The following MAP3K20 variants were observed in gnomAD, a reference collection of about 807,000 sequenced individuals.
MAP3K20 encodes mitogen-activated protein kinase kinase kinase 20.
A neutral mutation model predicts 85.7 loss-of-function variants in MAP3K20; 40 were observed. The ratio of observed to expected loss-of-function variants is 0.47; its 90% CI spans 0.36 to 0.61. The LOEUF is 0.61. Ranked by LOEUF, MAP3K20 falls within the 20% of genes least tolerant of loss-of-function variation. The probability of loss-of-function intolerance (pLI) is 0.00; values close to 1 mark genes in which losing one functional copy is unlikely to be tolerated. For missense variants in MAP3K20, 817 were observed against 961.7 expected, an observed-to-expected ratio of 0.85 and a Z score of 1.99; for synonymous variants, 325 against 327.7, an observed-to-expected ratio of 0.99 and a Z score of 0.09.
chr2:173,165,386 C>T (rs1173171654), intron 2 of MAP3K20, among the ~76,000 whole-genome samples: 1 of 152,142 alleles, frequency 6.6e-6, no homozygotes, highest in African/African-American at 2.4e-5. Flanking sequence ...CACTGTACTC[C>T]AGCCTGGGCG....
chr2:173,091,258 T>TA (rs760661307), intron 2 of MAP3K20, 68 bp downstream of exon 2: 8 of 1,537,388 alleles, frequency 5.2e-6, no homozygotes, highest in Non-Finnish European at 7.1e-6. Flanking sequence ...AACCTCGAGT[T>TA]AGAGGGTCAC....
At chr2:173,155,270 T>G (rs1015427116) in intron 2 of MAP3K20, among the ~76,000 whole-genome samples, 2 of 152,168 alleles carry the variant, frequency 1.3e-5, no homozygotes, top group Admixed American at 6.5e-5. Context: ...CATAGTAATC[T>G]ATTGAGGATG....
At chr2:173,204,920 A>G (rs1013186306) in intron 9 of MAP3K20, among the ~76,000 whole-genome samples, 3 of 152,026 alleles carry the variant, frequency 2.0e-5, no homozygotes, top group Non-Finnish European at 4.4e-5. Flanking sequence ...TGGCTAACAC[A>G]GTGAAACCCC....
intron 9 of MAP3K20, among the ~76,000 whole-genome samples, chr2:173,204,767 T>A (rs1683610667): frequency 2.0e-5 from 3 of 152,196 alleles, no homozygotes; most frequent in Admixed American, 1.3e-4. Context: ...TATATTGTTA[T>A]CTCTACTTTT....
At chr2:173,187,940 A>T (rs1690537812) in intron 5 of MAP3K20, among the ~76,000 whole-genome samples, 4 of 152,188 alleles carry the variant, frequency 2.6e-5, no homozygotes, top group Admixed American at 2.6e-4. Flanking sequence ...CCCTAGAATC[A>T]TTTTCTAAAA....
chr2:173,134,428 A>ATATATTTTTTTTT (rs56330241), intron 2 of MAP3K20, among the ~76,000 whole-genome samples: 1 of 3,156 alleles, frequency 3.2e-4, no homozygotes, highest in Non-Finnish European at 6.4e-4. Context: ...ATATATATAT[A>ATATATTTTTTTTT]TTTTTTTTTT....
intron 12 of MAP3K20, among the ~76,000 whole-genome samples, chr2:173,231,373 T>A (rs1206240767): frequency 2.0e-5 from 3 of 152,240 alleles, no homozygotes; most frequent in Admixed American, 2.0e-4. Context: ...TGAGTCTCAC[T>A]TTCCTGCCAG....
At chr2:173,083,746 C>T (rs1687071893) in intron 1 of MAP3K20, among the ~76,000 whole-genome samples, 1 of 152,168 alleles carries the variant, frequency 6.6e-6, no homozygotes, top group Non-Finnish European at 1.5e-5. Flanking sequence ...AATTTATTCA[C>T]TGATCTATGT....
intron 3 of MAP3K20, among the ~76,000 whole-genome samples, chr2:173,180,880 A>C (rs1690305021): frequency 6.6e-6 from 1 of 152,202 alleles, no homozygotes; most frequent in South Asian, 2.1e-4. Context: ...TAATAGAAAA[A>C]TTGAGAAATT....
At chr2:173,256,366 G>T (rs914047018) in intron 16 of MAP3K20, among the ~76,000 whole-genome samples, 2 of 152,126 alleles carry the variant, frequency 1.3e-5, no homozygotes, top group Admixed American at 6.5e-5. Context: ...AGTGGCTCAT[G>T]CCTCTATCCC....
intron 2 of MAP3K20, among the ~76,000 whole-genome samples, chr2:173,128,147 T>C (rs1213897343): frequency 1.3e-5 from 2 of 152,158 alleles, no homozygotes; most frequent in Non-Finnish European, 1.5e-5. Context: ...AATAATTTAT[T>C]TTCCTCTGAC....
chr2:173,237,730 C>T (rs1384257997), intron 14 of MAP3K20, among the ~76,000 whole-genome samples: 7 of 152,180 alleles, frequency 4.6e-5, no homozygotes, highest in Non-Finnish European at 8.8e-5. Context: ...TCCTGAAAGT[C>T]TGGTGTTATG....
chr2:173,148,077 G>C (rs1232968327), intron 2 of MAP3K20, among the ~76,000 whole-genome samples: 1 of 152,036 alleles, frequency 6.6e-6, no homozygotes, highest in Non-Finnish European at 1.5e-5. Flanking sequence ...TAAATTTTCT[G>C]GATTTTTGTT....
At chr2:173,121,524 C>T (rs1016340849) in intron 2 of MAP3K20, among the ~76,000 whole-genome samples, 1 of 152,034 alleles carries the variant, frequency 6.6e-6, no homozygotes, top group Non-Finnish European at 1.5e-5. Flanking sequence ...GTAGCTGGGA[C>T]TACAGGCGCC....
rs1574124733 is a variant in MAP3K20 at position 173,217,194 on chromosome 2, C to G, written c.931C>G (p.Arg311Gly). The change falls in exon 11 of 20, where the codon CGA (arginine) becomes GGA (glycine). Residue 311 changes from arginine to glycine, a missense_variant. Arg to Gly is a moderately radical substitution (Grantham distance 125). This residue lies in a region of MAP3K20 where 158 missense variants were observed against 162.0 expected (regional missense o/e 0.98). Transcript: ENST00000375213. ...CTTTAAGGAGCAGGAGCTTAAAGAA[C>G]GAGAAAGACGTTTAAAGATGTGGGA... Reference protein sequence around the residue: ...LSFKEQELKERERRLKMWEQK... With the variant: ...LSFKEQELKEGERRLKMWEQK... 1 of 1,606,410 alleles carries G rather than the reference C, an allele frequency of 6.2e-7. No individual in the cohort carries two copies. The highest frequency in any genetic ancestry group is 8.5e-7 in the Non-Finnish European group (1 of 1,176,032).
intron 11 of MAP3K20, chr2:173,221,457 A>C (rs745544537): frequency 1.2e-6 from 2 of 1,613,492 alleles, no homozygotes; most frequent in East Asian, 4.5e-5. Context: ...AGTGATTTTG[A>C]CTTGTCAGAA....
At chr2:173,199,660 TTG>T (rs1025561999) in intron 8 of MAP3K20, among the ~76,000 whole-genome samples, 7 of 126,004 alleles carry the variant, frequency 5.6e-5, no homozygotes, top group Non-Finnish European at 1.3e-4. Flanking sequence ...AGGAGAAAGG[TTG>T]TTTTTTTTTT....
At chr2:173,218,381 G>A (rs1162129602) in intron 11 of MAP3K20, among the ~76,000 whole-genome samples, 1 of 152,220 alleles carries the variant, frequency 6.6e-6, no homozygotes, top group Non-Finnish European at 1.5e-5. Flanking sequence ...TGGTTCTCCA[G>A]GGAATTCCAA....
At chr2:173,258,379 G>A (rs1685207105) in intron 16 of MAP3K20, among the ~76,000 whole-genome samples, 1 of 151,972 alleles carries the variant, frequency 6.6e-6, no homozygotes, top group Non-Finnish European at 1.5e-5. Context: ...ATTTTAAAAG[G>A]TTGCCACTTA....
Sources: gnomAD v4.1 joint callset for allele counts (sites outside exome capture counted in the v4.1 genomes callset) on GRCh38, gnomAD v4.1.1 for gene constraint, gnomAD v4.1.1 regional missense constraint, MANE v1.5 for transcripts, NCBI Gene and HGNC (gene_info 2026-07-23, HGNC 2026-07-21) for gene names.